TENM1: variants seen among roughly 807,000 people sequenced by gnomAD.
TENM1 encodes teneurin-1.
A neutral mutation model predicts 174.8 loss-of-function variants in TENM1; 35 were observed. The ratio of observed to expected loss-of-function variants is 0.20; its 90% CI spans 0.15 to 0.27. TENM1 has a LOEUF of 0.27. TENM1 is among the 10% of genes least tolerant of loss of function. The pLI, the probability that TENM1 is intolerant of heterozygous loss-of-function variation, is 1.00. For missense variants in TENM1, 1,633 were observed against 2,130.1 expected, an observed-to-expected ratio of 0.77 and a Z score of 4.59; for synonymous variants, 781 against 798.7, an observed-to-expected ratio of 0.98 and a Z score of 0.37.
chrX:124,553,139 T>C (rs1245202156), intron 14 of TENM1, among the ~76,000 whole-genome samples: 1 of 111,184 alleles, frequency 9.0e-6, no homozygotes, highest in Non-Finnish European at 1.9e-5. Context: ...CCAATTATAC[T>C]ATTTTAGGTA....
intron 1 of TENM1, among the ~76,000 whole-genome samples, chrX:124,913,850 A>G (rs1014460803): frequency 2.7e-5 from 3 of 112,109 alleles, no homozygotes; most frequent in East Asian, 5.6e-4. Flanking sequence ...GATCTCCACA[A>G]AAGTAATAAT....
intron 20 of TENM1, 82 bp from the exon 24 acceptor site, chrX:124,487,311 C>G: frequency 1.1e-6 from 1 of 879,218 alleles, no homozygotes; most frequent in Non-Finnish European, 1.6e-6. Flanking sequence ...CAAACCTAAC[C>G]AGACACACCA....
chrX:125,046,680 C>G, the TENM1 span, among the ~76,000 whole-genome samples: 1 of 112,021 alleles, frequency 8.9e-6, no homozygotes, highest in African/African-American at 3.2e-5. Context: ...AGGGACATGT[C>G]CTGCCGAATG....
At chrX:125,112,716 T>A in the TENM1 span, among the ~76,000 whole-genome samples, 1 of 111,711 alleles carries the variant, frequency 9.0e-6, no homozygotes, top group South Asian at 3.7e-4. Flanking sequence ...GATATTTAAT[T>A]TTTAAAAATT....
intron 15 of TENM1, among the ~76,000 whole-genome samples, chrX:124,532,215 T>C (rs922244124): frequency 8.9e-6 from 1 of 112,013 alleles, no homozygotes; most frequent in Non-Finnish European, 1.9e-5. Flanking sequence ...AGTCACTCTT[T>C]TTATTTGCTC....
intron 4 of TENM1, among the ~76,000 whole-genome samples, chrX:124,711,231 C>A (rs1343160072): frequency 1.8e-5 from 2 of 111,001 alleles, no homozygotes; most frequent in African/African-American, 3.3e-5. Flanking sequence ...AATGATGAGA[C>A]CCAGTGGTGG....
At chrX:125,110,527 G>C in the TENM1 span, among the ~76,000 whole-genome samples, 1 of 110,877 alleles carries the variant, frequency 9.0e-6, no homozygotes, top group Admixed American at 9.6e-5. Context: ...AGGGAATAGT[G>C]AATAAAGCCC....
the TENM1 span, among the ~76,000 whole-genome samples, chrX:125,086,598 G>A: frequency 1.8e-5 from 2 of 110,128 alleles, no homozygotes; most frequent in African/African-American, 6.6e-5. Flanking sequence ...AAATATTGTC[G>A]GTAAGTTTTC....
intron 3 of TENM1, among the ~76,000 whole-genome samples, chrX:124,827,725 T>A: frequency 8.9e-6 from 1 of 111,947 alleles, no homozygotes; most frequent in Non-Finnish European, 1.9e-5. Context: ...GTCAATCGGA[T>A]AAGCAGCGTG....
chrX:124,383,623 A>C lies in TENM1; in HGVS notation c.7297+11T>G, dbSNP rs188661943. On this transcript the variant is annotated intron_variant, in intron 30 of 31. Transcript: ENST00000422452. ...TCAAGTTTAGCTTAAAGTTTTAAAT[A>C]GTTTAAATACCTGTGGTATACTTTG... The C allele has an allele frequency of 1.1e-4, 129 of 1,189,259 alleles. No homozygotes were observed. In the East Asian group the frequency reaches 3.6e-3, roughly 33 times the overall value.
intron 3 of TENM1, among the ~76,000 whole-genome samples, chrX:124,791,867 T>C (rs2055188848): frequency 9.0e-6 from 1 of 111,620 alleles, no homozygotes; most frequent in Non-Finnish European, 1.9e-5. Flanking sequence ...ATTGCGTGTG[T>C]GTGTGTGTGC....
At chrX:124,726,870 C>A (rs1486197433) in intron 4 of TENM1, among the ~76,000 whole-genome samples, 1 of 112,251 alleles carries the variant, frequency 8.9e-6, no homozygotes, top group East Asian at 2.8e-4. Context: ...TTACTGCAAT[C>A]ACCATTAATG....
chrX:124,480,138 GA>G (rs763139109), intron 22 of TENM1, among the ~76,000 whole-genome samples: 160 of 111,607 alleles, frequency 1.4e-3, no homozygotes, highest in African/African-American at 5.0e-3. Context: ...GGGAAGTGGG[GA>G]AGATTCCATA....
intron 27 of TENM1, among the ~76,000 whole-genome samples, chrX:124,395,576 T>C (rs1354766232): frequency 8.9e-6 from 1 of 112,050 alleles, no homozygotes; most frequent in African/African-American, 3.2e-5. Context: ...GACTCTTGAC[T>C]CTTTATACCA....
chrX:124,962,646 C>G (rs1318441582), intron 1 of TENM1, among the ~76,000 whole-genome samples: 5 of 110,885 alleles, frequency 4.5e-5, no homozygotes, highest in African/African-American at 1.6e-4. Flanking sequence ...GGTGAAACCC[C>G]ATCTCCACTA....
chrX:125,153,391 T>C, the TENM1 span, among the ~76,000 whole-genome samples: 2 of 112,418 alleles, frequency 1.8e-5, no homozygotes, highest in African/African-American at 3.2e-5. Context: ...AAAACCTGAC[T>C]AGCTTAAATT....
At chrX:124,793,724 G>C (rs1014413169) in intron 3 of TENM1, among the ~76,000 whole-genome samples, 1 of 111,128 alleles carries the variant, frequency 9.0e-6, no homozygotes, top group African/African-American at 3.3e-5. Context: ...ACATGAGTTA[G>C]TTATGTAATG....
chrX:124,500,997 A>G (rs946043938), intron 19 of TENM1, among the ~76,000 whole-genome samples: 16 of 111,397 alleles, frequency 1.4e-4, no homozygotes, highest in African/African-American at 4.9e-4. Context: ...CCTATTTTGG[A>G]GGATAAGTTA....
chrX:124,779,633 T>C (rs932141903), intron 3 of TENM1, among the ~76,000 whole-genome samples: 5 of 111,575 alleles, frequency 4.5e-5, no homozygotes, highest in African/African-American at 6.5e-5. Context: ...TTTGTGCAAA[T>C]GGGAAAAGTT....
Sources: gnomAD v4.1 joint callset for allele counts (sites outside exome capture counted in the v4.1 genomes callset) on GRCh38, gnomAD v4.1.1 for gene constraint, MANE v1.5 for transcripts, NCBI Gene and HGNC (gene_info 2026-07-23, HGNC 2026-07-21) for gene names.